OLFM3: variants seen among roughly 807,000 people sequenced by gnomAD.
OLFM3 encodes olfactomedin 3.
A neutral mutation model predicts 48.6 loss-of-function variants in OLFM3; 20 were observed. The observed-to-expected ratio is 0.41, with a 90% CI of 0.29 to 0.60. The LOEUF (loss-of-function observed/expected upper bound fraction) is 0.60. Ranked by LOEUF, OLFM3 falls within the 20% of genes least tolerant of loss-of-function variation. The probability of loss-of-function intolerance (pLI) is 0.28; values close to 1 mark genes in which losing one functional copy is unlikely to be tolerated. For synonymous variants in OLFM3, 222 were observed against 198.1 expected (o/e 1.12, Z -1.01); for missense variants, 437 against 544.3 (o/e 0.80, Z 1.96).
At chr1:101,887,307 C>T (rs1283804717) in intron 1 of OLFM3, among the ~76,000 whole-genome samples, 1 of 151,402 alleles carries the variant, frequency 6.6e-6, no homozygotes, top group Non-Finnish European at 1.5e-5. Flanking sequence ...AATTGTATAC[C>T]TATGACAGAA....
chr1:101,965,847 G>T lies in OLFM3; in HGVS notation c.69+30901C>A, dbSNP rs559024594. On this transcript the variant is annotated intron_variant, in intron 1 of 5. Transcript: ENST00000370103. ...CTTCACCCTTCACCTCCTGCAATGT[G>T]TTTGCAGGGAAAGGGGCTGATCATT... Among the ~76,000 whole-genome samples the T allele has an allele frequency of 1.8e-4, 28 of 152,302 alleles. No individual in the cohort carries two copies. In the South Asian group the frequency reaches 3.7e-3, roughly 20 times the overall value.
chr1:101,882,728 C>T (rs1657586345), intron 1 of OLFM3: 1 of 151,562 alleles, frequency 6.6e-6, no homozygotes, highest in Admixed American at 6.6e-5. Context: ...TGACACTGCC[C>T]CAGATGTAAT....
At chr1:101,968,923 A>G (rs1660699957) in intron 1 of OLFM3, among the ~76,000 whole-genome samples, 1 of 152,204 alleles carries the variant, frequency 6.6e-6, no homozygotes. Context: ...TGCAGAGATT[A>G]AAAATGGGAA....
chr1:101,871,008 TAGAC>T (rs1356998548), intron 1 of OLFM3, among the ~76,000 whole-genome samples: 2 of 152,134 alleles, frequency 1.3e-5, no homozygotes, highest in Non-Finnish European at 2.9e-5. Context: ...GTAAGAAATT[TAGAC>T]AGAGCAGAGT....
At chr1:101,894,561 C>T (rs1240221963) in intron 1 of OLFM3, among the ~76,000 whole-genome samples, 1 of 152,042 alleles carries the variant, frequency 6.6e-6, no homozygotes, top group African/African-American at 2.4e-5. Flanking sequence ...TTTTCTTTTA[C>T]ATAAACTCAG....
intron 1 of OLFM3, among the ~76,000 whole-genome samples, chr1:101,944,497 G>A (rs7537869): frequency 0.4 from 60,957 of 151,894 alleles, 12,518 homozygotes; most frequent in East Asian, 0.51. Context: ...CCTAGATATG[G>A]ATAAATCTAA....
At chr1:101,959,039 C>T (rs1660386771) in intron 1 of OLFM3, among the ~76,000 whole-genome samples, 1 of 151,698 alleles carries the variant, frequency 6.6e-6, no homozygotes, top group African/African-American at 2.4e-5. Flanking sequence ...ACCAACATCT[C>T]CCCATTCCCC....
At chr1:101,977,749 A>G (rs1033922420) in intron 1 of OLFM3, among the ~76,000 whole-genome samples, 4 of 152,044 alleles carry the variant, frequency 2.6e-5, no homozygotes, top group Non-Finnish European at 5.9e-5. Flanking sequence ...ATTCCATCAA[A>G]TATAGCCTTT....
At chr1:101,971,784 G>A (rs1395153492) in intron 1 of OLFM3, among the ~76,000 whole-genome samples, 1 of 152,022 alleles carries the variant, frequency 6.6e-6, no homozygotes, top group African/African-American at 2.4e-5. Context: ...TATTAATCAC[G>A]TTGTTAGGAG....
intron 1 of OLFM3, among the ~76,000 whole-genome samples, chr1:101,902,879 A>G (rs978523113): frequency 6.6e-6 from 1 of 152,100 alleles, no homozygotes; most frequent in Non-Finnish European, 1.5e-5. Flanking sequence ...TGTGAGAGTT[A>G]TATCTGTGAA....
chr1:101,947,783 T>C (rs1660005705), intron 1 of OLFM3, among the ~76,000 whole-genome samples: 2 of 152,138 alleles, frequency 1.3e-5, no homozygotes, highest in Non-Finnish European at 1.5e-5. Context: ...TTTCGGTGAG[T>C]TATTTAACTG....
chr1:101,883,935 TC>T (rs1657638692), intron 1 of OLFM3, among the ~76,000 whole-genome samples: 1 of 151,446 alleles, frequency 6.6e-6, no homozygotes, highest in African/African-American at 2.4e-5. Context: ...AAACTTACTA[TC>T]TTTTTTTTTT....
At chr1:101,922,612 C>T (rs1357723343) in intron 1 of OLFM3, among the ~76,000 whole-genome samples, 2 of 152,120 alleles carry the variant, frequency 1.3e-5, no homozygotes, top group African/African-American at 4.8e-5. Context: ...CATTTAGAAC[C>T]AATTATTCCT....
chr1:101,930,797 T>C (rs1220840952), intron 1 of OLFM3, among the ~76,000 whole-genome samples: 1 of 152,158 alleles, frequency 6.6e-6, no homozygotes, highest in Non-Finnish European at 1.5e-5. Context: ...TTTGAATAAT[T>C]TTACCCAGGG....
At chr1:101,885,653 G>A (rs1165907596) in intron 1 of OLFM3, among the ~76,000 whole-genome samples, 1 of 151,932 alleles carries the variant, frequency 6.6e-6, no homozygotes, top group Non-Finnish European at 1.5e-5. Context: ...TTCATCTAAT[G>A]GATAGTAAAT....
Position 101,958,835 on chromosome 1 carries a change from T to TTATATATATA in OLFM3, c.69+37903_69+37912dup, listed in dbSNP as rs10571792. Among the ~76,000 whole-genome samples the TTATATATATA allele has an allele frequency of 3.5e-3, 517 of 146,400 alleles. 2 individuals are homozygous for TTATATATATA. Among genetic ancestry groups the TTATATATATA allele is most frequent in the Middle Eastern group, 0.011 (3 of 276 alleles). On this transcript the variant is annotated intron_variant, in intron 1 of 5. Coordinates refer to ENST00000370103, the MANE Select transcript of OLFM3 (RefSeq NM_058170.4). ...TGTTCTTATGGTATACAAAGTGATA[T>TTATATATATA]TATATATATATATATATATATATGA...
At chr1:101,970,482 A>T (rs12048155) in intron 1 of OLFM3, among the ~76,000 whole-genome samples, 1 of 152,068 alleles carries the variant, frequency 6.6e-6, no homozygotes, top group Non-Finnish European at 1.5e-5. Flanking sequence ...TCTCCCTTTC[A>T]TCTACCCCTC....
intron 4 of OLFM3, among the ~76,000 whole-genome samples, chr1:101,820,322 G>T (rs923626512): frequency 6.6e-6 from 1 of 151,960 alleles, no homozygotes; most frequent in African/African-American, 2.4e-5. Flanking sequence ...AGGGAGTTGG[G>T]GCAGAGGACT....
At chr1:101,811,050 G>A (rs887497402) in intron 4 of OLFM3, among the ~76,000 whole-genome samples, 14 of 151,822 alleles carry the variant, frequency 9.2e-5, no homozygotes, top group Admixed American at 7.9e-4. Flanking sequence ...TTTTAAAAAT[G>A]TGAATGATTT....
Sources: gnomAD v4.1 joint callset for allele counts (sites outside exome capture counted in the v4.1 genomes callset) on GRCh38, gnomAD v4.1.1 for gene constraint, MANE v1.5 for transcripts, NCBI Gene and HGNC (gene_info 2026-07-23, HGNC 2026-07-21) for gene names.